Variants in KATNIP observed in about 807,000 individuals in gnomAD.
The protein encoded by KATNIP is katanin-interacting protein.
KATNIP carries 126 observed loss-of-function variants against 174.0 expected under a neutral mutation model. The observed-to-expected ratio is 0.72, with a 90% CI of 0.63 to 0.84. The LOEUF is 0.84. KATNIP is among the 40% of genes least tolerant of loss of function. The pLI is 0.00. For synonymous variants in KATNIP, 810 were observed against 835.7 expected (o/e 0.97, Z 0.53); for missense variants, 1,958 against 2,109.7 (o/e 0.93, Z 1.41).
At chr16:27,610,632 G>A (rs908689288) in intron 2 of KATNIP, among the ~76,000 whole-genome samples, 1 of 152,126 alleles carries the variant, frequency 6.6e-6, no homozygotes, top group African/African-American at 2.4e-5. Flanking sequence ...ACATCAGGGG[G>A]CACAATTCAC....
At chr16:27,713,369 C>A (rs1446797540) in intron 13 of KATNIP, among the ~76,000 whole-genome samples, 1 of 151,898 alleles carries the variant, frequency 6.6e-6, no homozygotes, top group Non-Finnish European at 1.5e-5. Flanking sequence ...TTGACTGTGT[C>A]CCCACCCAAA....
intron 12 of KATNIP, among the ~76,000 whole-genome samples, chr16:27,707,388 C>T (rs1460219176): frequency 6.6e-6 from 1 of 152,124 alleles, no homozygotes; most frequent in Non-Finnish European, 1.5e-5. Context: ...GAGCAGACAG[C>T]CGACGCAGGA....
Position 27,717,854 on chromosome 16 carries a change from A to G in KATNIP, c.1606-3704A>G, listed in dbSNP as rs1055214865. On this transcript the variant is annotated intron_variant, in intron 13 of 27. Coordinates refer to ENST00000261588, the MANE Select transcript of KATNIP (RefSeq NM_015202.5). ...ACCAACATTGGGAGTTGGTATTTATACCCCAACTCCCGGGCCCCATTGGTG... is the reference window on the plus strand; with the variant it reads ...ACCAACATTGGGAGTTGGTATTTATGCCCCAACTCCCGGGCCCCATTGGTG... Among the ~76,000 whole-genome samples, 33 of 151,710 alleles carry G rather than the reference A, an allele frequency of 2.2e-4. No individual in the cohort carries two copies. The South Asian group carries it at 6.7e-3, about 31-fold the overall frequency.
intron 12 of KATNIP, among the ~76,000 whole-genome samples, 193 bp downstream of exon 12, chr16:27,704,191 C>A (rs551813428): frequency 6.6e-6 from 1 of 151,260 alleles, no homozygotes; most frequent in Non-Finnish European, 1.5e-5. Context: ...AAGATGTAGG[C>A]CAGAAGTTTC....
intron 13 of KATNIP, among the ~76,000 whole-genome samples, chr16:27,715,867 G>T (rs1374927373): frequency 6.6e-6 from 1 of 152,090 alleles, no homozygotes; most frequent in Non-Finnish European, 1.5e-5. Flanking sequence ...TGCAGCCCCT[G>T]TGGAAAACAG....
At chr16:27,774,180 G>A (rs1477002590) in intron 23 of KATNIP, among the ~76,000 whole-genome samples, 1 of 152,084 alleles carries the variant, frequency 6.6e-6, no homozygotes, top group East Asian at 1.9e-4. Flanking sequence ...ATCTGTTTGG[G>A]GTCCCTGGCT....
chr16:27,761,680 A>G, intron 19 of KATNIP, 90 bp downstream of exon 19: 1 of 1,189,086 alleles, frequency 8.4e-7, no homozygotes, highest in Admixed American at 1.8e-5. Context: ...GACATCAAAT[A>G]GAATCGCATA....
At chr16:27,555,229 A>G (rs945374271) in intron 1 of KATNIP, among the ~76,000 whole-genome samples, 1 of 152,246 alleles carries the variant, frequency 6.6e-6, no homozygotes, top group African/African-American at 2.4e-5. Context: ...CTACGTTCAC[A>G]AAAGCTTAAA....
At chr16:27,721,144 C>A (rs1328467193) in intron 13 of KATNIP, among the ~76,000 whole-genome samples, 1 of 152,130 alleles carries the variant, frequency 6.6e-6, no homozygotes, top group African/African-American at 2.4e-5. Context: ...TTTAAAAATT[C>A]ATCAGGGTTT....
intron 7 of KATNIP, among the ~76,000 whole-genome samples, chr16:27,680,189 G>A (rs569656938): frequency 6.6e-6 from 1 of 152,156 alleles, no homozygotes; most frequent in Admixed American, 6.5e-5. Context: ...TGCAGCACAC[G>A]CCCAGCACAT....
In KATNIP at chr16:27,690,360, AGAT is replaced by A. The variant is rs771189580; in HGVS notation, c.941-7964_941-7962del. Among the ~76,000 whole-genome samples the A allele has an allele frequency of 7.3e-3, 739 of 101,858 alleles. 7 individuals carry two copies. Among genetic ancestry groups the A allele is most frequent in the Admixed American group, 9.9e-3 (95 of 9,636 alleles). 66.8% of individuals were successfully genotyped at this position (101,858 alleles called of 152,430 possible). A position where few individuals can be genotyped will look rare whatever the true frequency, so the allele number is the denominator to read the frequency against. On this transcript the variant is annotated intron_variant, in intron 8 of 27. Coordinates refer to ENST00000261588, the MANE Select transcript of KATNIP (RefSeq NM_015202.5). ...TAGATAGATAGATAGATAGATAGAT[AGAT>A]GATAGATAGATAGATAGATAGATAG...
chr16:27,564,955 G>T (rs1338232566), intron 1 of KATNIP, among the ~76,000 whole-genome samples: 1 of 151,682 alleles, frequency 6.6e-6, no homozygotes, highest in Non-Finnish European at 1.5e-5. Context: ...GGTAGAGACA[G>T]GGTTTCACCA....
intron 2 of KATNIP, among the ~76,000 whole-genome samples, chr16:27,617,663 T>A (rs2076079651): frequency 6.6e-6 from 1 of 152,144 alleles, no homozygotes; most frequent in Admixed American, 6.5e-5. Context: ...CCAGTCTGGG[T>A]CATAGATTTC....
At chr16:27,571,702 G>A (rs1006382716) in intron 1 of KATNIP, among the ~76,000 whole-genome samples, 2 of 152,236 alleles carry the variant, frequency 1.3e-5, no homozygotes, top group Non-Finnish European at 2.9e-5. Flanking sequence ...TACTCCTGCT[G>A]CCAGGACACC....
intron 17 of KATNIP, among the ~76,000 whole-genome samples, chr16:27,752,727 T>A (rs984759126): frequency 6.6e-6 from 1 of 152,006 alleles, no homozygotes; most frequent in African/African-American, 2.4e-5. Context: ...GTTTTTTTTT[T>A]ATTTTTTGTA....
intron 14 of KATNIP, among the ~76,000 whole-genome samples, chr16:27,723,379 C>T (rs1273904540): frequency 2.0e-5 from 3 of 151,932 alleles, no homozygotes; most frequent in Non-Finnish European, 2.9e-5. Context: ...TCCCTGTCCC[C>T]CCTCCACCCC....
intron 1 of KATNIP, among the ~76,000 whole-genome samples, chr16:27,559,848 G>T (rs2141582554): frequency 6.6e-6 from 1 of 151,732 alleles, no homozygotes; most frequent in African/African-American, 2.4e-5. Context: ...AGGCATGGTG[G>T]CACCTGCCTA....
chr16:27,580,139 G>T (rs941228277), intron 2 of KATNIP, among the ~76,000 whole-genome samples: 19 of 152,142 alleles, frequency 1.2e-4, no homozygotes, highest in African/African-American at 4.3e-4. Context: ...TTTAGACAGG[G>T]TCTCGCTGTG....
chr16:27,667,588 G>A (rs879555902), intron 6 of KATNIP, among the ~76,000 whole-genome samples: 2 of 152,052 alleles, frequency 1.3e-5, no homozygotes, highest in Non-Finnish European at 2.9e-5. Context: ...GGTTGGTTGG[G>A]GAGGTCTGGC....
Sources: allele counts gnomAD v4.1 joint callset (sites outside exome capture counted in the v4.1 genomes callset), GRCh38; gene constraint gnomAD v4.1.1; transcripts MANE v1.5; gene names NCBI Gene and HGNC (gene_info 2026-07-23, HGNC 2026-07-21).